Variants in C1GALT1 observed in about 807,000 individuals in gnomAD.
C1GALT1 encodes the protein core 1 synthase, glycoprotein-N-acetylgalactosamine 3-beta-galactosyltransferase 1.
In C1GALT1, 11 loss-of-function variants were observed where a neutral mutation model predicts 31.0. The observed-to-expected ratio is 0.36, with a 90% CI of 0.22 to 0.59. The LOEUF (loss-of-function observed/expected upper bound fraction) is 0.59. C1GALT1 is among the 20% of genes least tolerant of loss of function. The pLI is 0.79. For missense variants in C1GALT1, 424 were observed against 425.2 expected (o/e 1.00, Z 0.03); for synonymous variants, 175 against 143.6 (o/e 1.22, Z -1.56).
chr7:7,184,765 A>G (rs2128229383), intron 1 of C1GALT1, among the ~76,000 whole-genome samples: 1 of 152,366 alleles, frequency 6.6e-6, no homozygotes, highest in East Asian at 1.9e-4. Context: ...TTAAAAGTTT[A>G]AGCTTCCCAA....
chr7:7,234,647 T>A, intron 2 of C1GALT1, 108 bp downstream of exon 2: 1 of 759,716 alleles, frequency 1.3e-6, no homozygotes, highest in Non-Finnish European at 2.1e-6. Flanking sequence ...TTCCAGATAT[T>A]AAAAATAATT....
chr7:7,239,682 C>T (rs1783533338), intron 3 of C1GALT1, among the ~76,000 whole-genome samples: 1 of 152,144 alleles, frequency 6.6e-6, no homozygotes, highest in South Asian at 2.1e-4. Flanking sequence ...ATCTAAAGTG[C>T]ATTATTTTAG....
upstream of C1GALT1, among the ~76,000 whole-genome samples, chr7:7,177,580 G>C (rs1780518578): frequency 6.6e-6 from 1 of 152,142 alleles, no homozygotes; most frequent in African/African-American, 2.4e-5. Flanking sequence ...TTTTAAAAGA[G>C]TAATAAATTT....
At chr7:7,218,688 T>G (rs886721678) in intron 1 of C1GALT1, among the ~76,000 whole-genome samples, 42 of 152,294 alleles carry the variant, frequency 2.8e-4, no homozygotes, top group African/African-American at 1.0e-3. Context: ...ACTGAAACAG[T>G]AGAAGATGTG....
intron 1 of C1GALT1, among the ~76,000 whole-genome samples, chr7:7,229,304 G>A (rs1782952515): frequency 1.3e-5 from 2 of 152,144 alleles, no homozygotes; most frequent in South Asian, 4.1e-4. Flanking sequence ...TGTGCTGTAA[G>A]GCAAAGTGTT....
At chr7:7,240,892 T>C (rs543186400) in intron 3 of C1GALT1, among the ~76,000 whole-genome samples, 157 of 152,176 alleles carry the variant, frequency 1.0e-3, no homozygotes, top group Middle Eastern at 3.4e-3. Flanking sequence ...TTCTATATAC[T>C]AATTACTGAA....
At position 7,225,871 on chromosome 7, in the gene C1GALT1, A is replaced by G. The variant is rs187365065; in HGVS notation, c.-17-8432A>G. ...AACCTTTTAAGTATTCCATTTAAAG[A>G]TAATTTTAGAGAGAAAGGGAAAGGA... On this transcript the variant is annotated intron_variant, in intron 1 of 3. Coordinates refer to ENST00000436587, the MANE Select transcript of C1GALT1 (RefSeq NM_020156.5). Among the ~76,000 whole-genome samples the G allele has an allele frequency of 1.9e-3, 293 of 152,318 alleles. 2 individuals carry two copies. The highest frequency in any genetic ancestry group is 6.6e-3 in the African/African-American group (275 of 41,574).
At chr7:7,203,944 C>T (rs1781622076) in intron 1 of C1GALT1, among the ~76,000 whole-genome samples, 1 of 151,958 alleles carries the variant, frequency 6.6e-6, no homozygotes, top group African/African-American at 2.4e-5. Context: ...AATTTTGCAT[C>T]CTTTAACACA....
chr7:7,173,200 G>C (rs1780472677), intron 2 of C1GALT1, among the ~76,000 whole-genome samples: 1 of 152,016 alleles, frequency 6.6e-6, no homozygotes, highest in Non-Finnish European at 1.5e-5. Context: ...GTGAGTTCTT[G>C]CTCTGGTTCA....
intron 1 of C1GALT1, among the ~76,000 whole-genome samples, chr7:7,185,514 C>G (rs1024210387): frequency 6.6e-6 from 1 of 152,290 alleles, no homozygotes; most frequent in South Asian, 2.1e-4. Flanking sequence ...AGGGGAGAAT[C>G]TGTTCCATGC....
In C1GALT1 at chr7:7,200,450, C is replaced by G. The variant is rs115718302; in HGVS notation, c.-18+17630C>G. Among the ~76,000 whole-genome samples the G allele has an allele frequency of 3.0e-3, 457 of 151,220 alleles. 4 individuals are homozygous for G. The highest frequency in any genetic ancestry group is 0.01 in the African/African-American group (434 of 41,414). ...GGCTTCCCTTTGTGAGTAACCTGAC[C>G]TTTCAGTCTGACAATTATGTGTCTT... On this transcript the variant is annotated intron_variant, in intron 1 of 3. Coordinates refer to ENST00000436587, the MANE Select transcript of C1GALT1 (RefSeq NM_020156.5).
chr7:7,204,108 T>TG (rs1170219425), intron 1 of C1GALT1, among the ~76,000 whole-genome samples: 2 of 150,430 alleles, frequency 1.3e-5, no homozygotes, highest in South Asian at 2.1e-4. Flanking sequence ...TTTTTTTTTT[T>TG]TTGTTTTTTT....
At chr7:7,181,192 A>ATTGCGAAAAGGTGGAAGGATG (rs1780576073), upstream of C1GALT1, among the ~76,000 whole-genome samples, 1 of 109,112 alleles carries the variant, frequency 9.2e-6, no homozygotes, top group African/African-American at 3.7e-5. Context: ...ATGGCAAGAC[A>ATTGCGAAAAGGTGGAAGGATG]TTGCGGAAAG....
In C1GALT1 at chr7:7,248,206, A is replaced by G. The variant is rs1783925033; in HGVS notation, c.*4479A>G. ...AAATAAAAACTTTAATACAGGCTAG[A>G]ATAAGGAATTTTACAAATTCTCTTT... On this transcript the variant is annotated 3_prime_UTR_variant, in exon 4 of 4. Transcript: ENST00000436587. The G allele has an allele frequency of 6.6e-6, 1 of 152,014 alleles. No individual in the cohort carries two copies. The highest frequency in any genetic ancestry group is 2.4e-5 in the African/African-American group (1 of 41,450). The allele number at this position is 152,014 out of a possible 1,614,324, so 9.4% of individuals were successfully genotyped here. A position where few individuals can be genotyped will look rare whatever the true frequency, so the allele number is the denominator to read the frequency against.
rs538709262 is a variant in C1GALT1, at chr7:7,172,057, T to G, written c.-18+14631T>G. Among the ~76,000 whole-genome samples the G allele has an allele frequency of 1.2e-4, 18 of 152,330 alleles. No homozygotes were observed. In the South Asian group the frequency reaches 3.5e-3, roughly 30 times the overall value. Reference sequence around the variant, plus strand: ...CCCTACCTTTACTGTAGGCCTTTATTTTCTTAACATGGCTTTGAATTGCTG... The same window carrying G: ...CCCTACCTTTACTGTAGGCCTTTATGTTCTTAACATGGCTTTGAATTGCTG... On this transcript the variant is annotated intron_variant, in intron 2 of 3. Coordinates refer to the C1GALT1 transcript ENST00000429911.
In C1GALT1 at chr7:7,245,124, G is replaced by C. The variant is rs1348271966; in HGVS notation, c.*1397G>C. ...AGAATATTTTACAGACTTTCTATGA[G>C]ATTATTTTTATGGTACAAAGTATTT... On this transcript the variant is annotated 3_prime_UTR_variant, in exon 4 of 4. Transcript: ENST00000436587. The C allele has an allele frequency of 6.6e-6, 1 of 152,166 alleles. No individual in the cohort carries two copies. The highest frequency in any genetic ancestry group is 1.9e-4 in the East Asian group (1 of 5,194). The allele number at this position is 152,166 out of a possible 1,614,324, so 9.4% of individuals were successfully genotyped here.
intron 1 of C1GALT1, among the ~76,000 whole-genome samples, chr7:7,204,623 G>A (rs6463657): frequency 0.53 from 80,227 of 151,724 alleles, 22,482 homozygotes; most frequent in East Asian, 0.94. Context: ...TTCTTTTTCT[G>A]GTTTTTAAAG....
At chr7:7,196,551 T>A (rs1781296597) in intron 1 of C1GALT1, among the ~76,000 whole-genome samples, 1 of 152,248 alleles carries the variant, frequency 6.6e-6, no homozygotes, top group Non-Finnish European at 1.5e-5. Context: ...TATAGCAGCA[T>A]GATTTGTAAT....
chr7:7,227,863 C>T (rs957105000), intron 1 of C1GALT1, among the ~76,000 whole-genome samples: 17 of 152,188 alleles, frequency 1.1e-4, no homozygotes, highest in African/African-American at 4.1e-4. Flanking sequence ...CCAGATGTGC[C>T]CCCTTTGGCC....
Sources: gnomAD v4.1 joint callset for allele counts (sites outside exome capture counted in the v4.1 genomes callset) on GRCh38, gnomAD v4.1.1 for gene constraint, MANE v1.5 for transcripts, NCBI Gene and HGNC (gene_info 2026-07-23, HGNC 2026-07-21) for gene names.